The following ROBO1 variants were observed in gnomAD, a reference collection of about 807,000 sequenced individuals.
ROBO1 encodes roundabout guidance receptor 1.
A neutral mutation model predicts 195.9 loss-of-function variants in ROBO1; 149 were observed. That is an observed-to-expected ratio of 0.76 (90% confidence interval 0.67 to 0.87). The LOEUF is 0.87. Ranked by LOEUF, ROBO1 falls within the 40% of genes least tolerant of loss-of-function variation. The pLI is 0.00. For synonymous variants in ROBO1, 816 were observed against 733.2 expected (o/e 1.11, Z -1.82); for missense variants, 1,933 against 2,068.3 (o/e 0.93, Z 1.27).
intron 8 of ROBO1, among the ~76,000 whole-genome samples, chr3:78,711,371 CT>C (rs1258088436): frequency 6.9e-4 from 18 of 26,014 alleles, no homozygotes; most frequent in African/African-American, 2.4e-3. Context: ...TCCTTCCTTC[CT>C]TCCTTCCTTC....
intron 4 of ROBO1, among the ~76,000 whole-genome samples, chr3:78,906,049 C>A (rs1458167797): frequency 6.6e-6 from 1 of 152,086 alleles, no homozygotes; most frequent in African/African-American, 2.4e-5. Context: ...AATGTGAATA[C>A]TTTTTTGTTG....
At chr3:79,678,231 A>G (rs541993570) in intron 1 of ROBO1, among the ~76,000 whole-genome samples, 6 of 152,128 alleles carry the variant, frequency 3.9e-5, no homozygotes, top group Admixed American at 1.3e-4. Context: ...CACTATGTAT[A>G]ATGGTAATTA....
At chr3:79,216,150 T>A (rs968525707) in intron 2 of ROBO1, among the ~76,000 whole-genome samples, 3 of 152,126 alleles carry the variant, frequency 2.0e-5, no homozygotes, top group African/African-American at 7.2e-5. Flanking sequence ...TATAAACTTT[T>A]AAAAATATTT....
intron 2 of ROBO1, among the ~76,000 whole-genome samples, chr3:79,547,885 T>C (rs7623728): frequency 0.56 from 84,705 of 151,994 alleles, 24,569 homozygotes; most frequent in African/African-American, 0.73. Context: ...ATAATTAATA[T>C]GCTAAAAACT....
At chr3:78,621,927 G>A (rs532270581) in intron 26 of ROBO1, among the ~76,000 whole-genome samples, 5 of 152,272 alleles carry the variant, frequency 3.3e-5, no homozygotes, top group African/African-American at 1.2e-4. Flanking sequence ...TAACACCAGT[G>A]TAGCTTCAGT....
At position 79,408,150 on chromosome 3, in the gene ROBO1, C is replaced by G. The variant is rs570074068; in HGVS notation, c.88+181674G>C. ...GGAGATTCGCTTGAACCCACGAGGC[C>G]GAGGTTGTGGTGAGCTGAGATCATG... On this transcript the variant is annotated intron_variant, in intron 2 of 30. Transcript: ENST00000464233. Among the ~76,000 whole-genome samples, 5 of 151,420 alleles carry G rather than the reference C, an allele frequency of 3.3e-5. No homozygotes were observed. In the East Asian group the frequency reaches 7.8e-4, roughly 24 times the overall value.
At chr3:78,659,378 C>T (rs1017464230) in intron 17 of ROBO1, among the ~76,000 whole-genome samples, 1 of 151,950 alleles carries the variant, frequency 6.6e-6, no homozygotes, top group Non-Finnish European at 1.5e-5. Context: ...TACTTGGTTA[C>T]CGTACAGATT....
intron 1 of ROBO1, among the ~76,000 whole-genome samples, chr3:79,696,379 A>C (rs1947448872): frequency 6.6e-6 from 1 of 150,662 alleles, no homozygotes; most frequent in South Asian, 2.1e-4. Flanking sequence ...AACCTTATTA[A>C]AATAAGAAAT....
chr3:78,680,337 C>G (rs2080865720), intron 10 of ROBO1, among the ~76,000 whole-genome samples: 1 of 152,144 alleles, frequency 6.6e-6, no homozygotes, highest in Non-Finnish European at 1.5e-5. Context: ...CAAATGGGAT[C>G]TAATTGAACT....
At chr3:78,725,574 T>C (rs1244998250) in intron 5 of ROBO1, among the ~76,000 whole-genome samples, 1 of 152,158 alleles carries the variant, frequency 6.6e-6, no homozygotes, top group Non-Finnish European at 1.5e-5. Context: ...TAGAGAATAA[T>C]CAGGTTTAAG....
At chr3:78,672,915 C>T (rs1708148429) in intron 10 of ROBO1, among the ~76,000 whole-genome samples, 1 of 152,058 alleles carries the variant, frequency 6.6e-6, no homozygotes, top group African/African-American at 2.4e-5. Flanking sequence ...AAAATGTTAG[C>T]ACCATACAAC....
intron 4 of ROBO1, among the ~76,000 whole-genome samples, chr3:78,875,059 A>G (rs1454724372): frequency 1.3e-5 from 2 of 151,996 alleles, no homozygotes; most frequent in Non-Finnish European, 2.9e-5. Context: ...ATGTTAAACC[A>G]AACTATCATA....
At chr3:79,238,470 A>G (rs2108872102) in intron 2 of ROBO1, among the ~76,000 whole-genome samples, 1 of 152,290 alleles carries the variant, frequency 6.6e-6, no homozygotes, top group East Asian at 1.9e-4. Context: ...TTTATATGGC[A>G]AGGTGGATAC....
Position 78,990,129 on chromosome 3 carries a change from T to C in ROBO1, c.173-51202A>G, listed in dbSNP as rs566836993. ...AAACTAACTAGAATTTTAAAATTTT[T>C]CCTAAGAAAATATTTAATACACTAG... On this transcript the variant is annotated intron_variant, in intron 3 of 30. Transcript: ENST00000464233. Among the ~76,000 whole-genome samples, 98 of 152,326 alleles carry C rather than the reference T, an allele frequency of 6.4e-4. 2 individuals carry two copies. Among genetic ancestry groups the C allele is most frequent in the African/African-American group, 2.3e-3 (95 of 41,580 alleles).
At chr3:79,436,632 A>C (rs529748543) in intron 2 of ROBO1, among the ~76,000 whole-genome samples, 1 of 152,230 alleles carries the variant, frequency 6.6e-6, no homozygotes, top group East Asian at 1.9e-4. Context: ...CAGAGCTCTC[A>C]GATTTCTTTG....
chr3:79,400,221 T>C (rs1360061809), intron 2 of ROBO1, among the ~76,000 whole-genome samples: 2 of 152,102 alleles, frequency 1.3e-5, no homozygotes, highest in Non-Finnish European at 2.9e-5. Flanking sequence ...AGTGTTCAAA[T>C]ATTTTTCCAA....
chr3:78,992,575 A>C (rs2077263025), intron 3 of ROBO1, among the ~76,000 whole-genome samples: 1 of 152,166 alleles, frequency 6.6e-6, no homozygotes, highest in Admixed American at 6.6e-5. Context: ...TGTATGACAT[A>C]ATACATTTAC....
At chr3:79,379,395 T>A (rs1471691490) in intron 2 of ROBO1, among the ~76,000 whole-genome samples, 1 of 152,136 alleles carries the variant, frequency 6.6e-6, no homozygotes, top group African/African-American at 2.4e-5. Flanking sequence ...AATGTAATTC[T>A]CAGTTTTGGT....
intron 3 of ROBO1, among the ~76,000 whole-genome samples, chr3:79,004,256 T>C (rs1267570207): frequency 1.3e-5 from 2 of 152,230 alleles, no homozygotes; most frequent in Admixed American, 6.5e-5. Flanking sequence ...TTGGTATTTC[T>C]TCTTTCATGT....
Sources: allele counts gnomAD v4.1 joint callset (sites outside exome capture counted in the v4.1 genomes callset), GRCh38; gene constraint gnomAD v4.1.1; transcripts MANE v1.5; gene names NCBI Gene and HGNC (gene_info 2026-07-23, HGNC 2026-07-21).